The following SRGAP2C variants were observed in gnomAD, a reference collection of about 807,000 sequenced individuals.
SRGAP2C encodes SLIT-ROBO Rho GTPase activating protein 2C.
A neutral mutation model predicts 25.1 loss-of-function variants in SRGAP2C; 15 were observed. The ratio of observed to expected loss-of-function variants is 0.60; its 90% confidence interval spans 0.40 to 0.92. SRGAP2C has a LOEUF of 0.92. Among genes scored for constraint, SRGAP2C ranks in the 40% least tolerant of loss-of-function variants. The probability of loss-of-function intolerance (pLI) is 0.00; values close to 1 mark genes in which losing one functional copy is unlikely to be tolerated. For synonymous variants in SRGAP2C, 44 were observed against 96.6 expected (o/e 0.46, Z 3.19); for missense variants, 144 against 264.4 (o/e 0.54, Z 3.16).
rs1382825827 is a variant in SRGAP2C, at chr1:121,369,630, ACT to A, written c.486+4278_486+4279del. Among the ~76,000 whole-genome samples, 14 of 142,532 alleles carry A rather than the reference ACT, an allele frequency of 9.8e-5. No homozygotes were observed. In the South Asian group the frequency reaches 3.0e-3, roughly 30 times the overall value. 93.5% of individuals were successfully genotyped at this position (142,532 alleles called of 152,430 possible). A position where few individuals can be genotyped will look rare whatever the true frequency, so the allele number is the denominator to read the frequency against. ...TCCCTCAACTCTGCTTGCCTATTTG[ACT>A]CTGGCACTAGGCACTAGGGAGACAA... On this transcript the variant is annotated intron_variant, in intron 5 of 9. Coordinates refer to ENST00000367123, the MANE Select transcript of SRGAP2C (RefSeq NM_001329984.2).
rs587749897 is a variant in SRGAP2C at position 121,258,245 on chromosome 1, G to T, written c.68-26558G>T. 2.8e-4 allele frequency among the ~76,000 whole-genome samples: 42 copies of T among 151,702 alleles called. 1 individual carries two copies. Among genetic ancestry groups the T allele is most frequent in the Non-Finnish European group, 4.6e-4 (31 of 67,840 alleles). On this transcript the variant is annotated intron_variant, in intron 2 of 9. Coordinates refer to ENST00000367123, the MANE Select transcript of SRGAP2C (RefSeq NM_001329984.2). ...AGAAATAAACCTACCTCTCTCCAGG[G>T]CATGAGTTCCACAGTGAAACTGAGG...
chr1:121,321,676 G>A (rs1195736168), intron 3 of SRGAP2C, among the ~76,000 whole-genome samples: 1 of 150,020 alleles, frequency 6.7e-6, no homozygotes, highest in Admixed American at 6.6e-5. Context: ...CAAAGTGCTG[G>A]GATTGCAGGC....
At chr1:121,277,270 C>A (rs1657127232) in intron 2 of SRGAP2C, among the ~76,000 whole-genome samples, 1 of 151,216 alleles carries the variant, frequency 6.6e-6, no homozygotes, top group South Asian at 2.1e-4. Context: ...CATGTCTTCA[C>A]AATTAGATTG....
At chr1:121,335,483 A>G (rs1658494900) in intron 4 of SRGAP2C, among the ~76,000 whole-genome samples, 1 of 108,482 alleles carries the variant, frequency 9.2e-6, no homozygotes, top group Non-Finnish European at 1.8e-5. Flanking sequence ...TTTTTTTGAG[A>G]TGGAGACTCA....
chr1:121,339,252 CTTTTT>C (rs1185472819), intron 4 of SRGAP2C, among the ~76,000 whole-genome samples: 2 of 89,628 alleles, frequency 2.2e-5, no homozygotes, highest in Non-Finnish European at 4.2e-5. Context: ...GCTATGTTGT[CTTTTT>C]TTTTTTTTTT....
chr1:121,385,564 G>GT (rs1659941205), intron 8 of SRGAP2C, among the ~76,000 whole-genome samples: 17 of 146,828 alleles, frequency 1.2e-4, no homozygotes, highest in Admixed American at 5.5e-4. Context: ...TTGAAGAAAG[G>GT]TTTTTTCTTT....
Position 121,284,825 on chromosome 1 carries a change from G to A in SRGAP2C, c.90G>A (p.Glu30=). 1 of 906,030 alleles carries A rather than the reference G, an allele frequency of 1.1e-6. No homozygotes were observed. The highest frequency in any genetic ancestry group is 1.6e-6 in the Non-Finnish European group (1 of 609,396). 56.1% of individuals were successfully genotyped at this position (906,030 alleles called of 1,614,324 possible). The change falls in exon 3 of 10, where the codon GAG becomes GAA. Residue 30 remains glutamate, a synonymous_variant. Transcript: ENST00000367123. The part of the protein sequence containing the change: ...QVKEIRAQLT[E]QMKCLDQQCE... ...TAGAGATCCGTGCTCAGCTCACAGA[G>A]CAGATGAAATGCCTGGACCAGCAGT...
At chr1:121,285,379 ATCTT>A (rs1657336595) in intron 3 of SRGAP2C, among the ~76,000 whole-genome samples, 2 of 119,810 alleles carry the variant, frequency 1.7e-5, no homozygotes, top group Non-Finnish European at 3.5e-5. Context: ...CTCAGGGTCT[ATCTT>A]AATCTCTGTC....
At chr1:121,282,937 C>A (rs1657283049) in intron 2 of SRGAP2C, among the ~76,000 whole-genome samples, 1 of 149,832 alleles carries the variant, frequency 6.7e-6, no homozygotes, top group Non-Finnish European at 1.5e-5. Context: ...AGTCTGCCCA[C>A]CCAATGGCTA....
At chr1:121,286,647 C>T (rs1657374317) in intron 3 of SRGAP2C, among the ~76,000 whole-genome samples, 1 of 152,244 alleles carries the variant, frequency 6.6e-6, no homozygotes, top group Non-Finnish European at 1.5e-5. Flanking sequence ...CTACTCCAGT[C>T]CTACTATAAC....
At chr1:121,310,328 T>C (rs1387593348) in intron 3 of SRGAP2C, among the ~76,000 whole-genome samples, 2 of 108,788 alleles carry the variant, frequency 1.8e-5, no homozygotes, top group African/African-American at 8.0e-5. Flanking sequence ...ATATTAGCCC[T>C]TTGTCAGATG....
At chr1:121,195,186 G>A (rs1255966938) in intron 2 of SRGAP2C, among the ~76,000 whole-genome samples, 1 of 152,092 alleles carries the variant, frequency 6.6e-6, no homozygotes, top group Non-Finnish European at 1.5e-5. Context: ...CAAGGCAGAT[G>A]GATCACCTGA....
chr1:121,297,527 T>C (rs1430674129), intron 3 of SRGAP2C, among the ~76,000 whole-genome samples: 2 of 140,744 alleles, frequency 1.4e-5, no homozygotes, highest in Non-Finnish European at 3.1e-5. Flanking sequence ...TGAAGGATTC[T>C]TCTAAGGATA....
At chr1:121,276,324 A>G (rs1175594202) in intron 2 of SRGAP2C, among the ~76,000 whole-genome samples, 3 of 147,836 alleles carry the variant, frequency 2.0e-5, no homozygotes, top group African/African-American at 7.5e-5. Flanking sequence ...TACATTCATC[A>G]TGACACAAAC....
intron 2 of SRGAP2C, among the ~76,000 whole-genome samples, chr1:121,254,228 CT>C (rs1375400639): frequency 1.4e-5 from 2 of 138,952 alleles, no homozygotes; most frequent in Admixed American, 7.3e-5. Context: ...TTTCTTTAGT[CT>C]AAGTGTGCAC....
chr1:121,236,663 T>G (rs1655967931), intron 2 of SRGAP2C, among the ~76,000 whole-genome samples: 2 of 151,920 alleles, frequency 1.3e-5, no homozygotes, highest in Admixed American at 1.3e-4. Flanking sequence ...CAGGAGTTCC[T>G]CTTTCAGTTC....
intron 2 of SRGAP2C, among the ~76,000 whole-genome samples, chr1:121,269,856 A>T (rs1323252024): frequency 6.7e-6 from 1 of 148,260 alleles, no homozygotes; most frequent in African/African-American, 2.5e-5. Context: ...TTATATCTTC[A>T]CTTTAGATGA....
At chr1:121,287,733 G>A (rs1225320185) in intron 3 of SRGAP2C, among the ~76,000 whole-genome samples, 3 of 152,190 alleles carry the variant, frequency 2.0e-5, no homozygotes, top group Non-Finnish European at 4.4e-5. Flanking sequence ...AAGGTGGTGT[G>A]TCTGGAGTCT....
intron 2 of SRGAP2C, among the ~76,000 whole-genome samples, chr1:121,284,149 A>G (rs1436270417): frequency 2.0e-5 from 3 of 152,010 alleles, no homozygotes; most frequent in African/African-American, 7.2e-5. Flanking sequence ...TTGACAGTGA[A>G]TGGTTTGCCT....
Sources: allele counts gnomAD v4.1 joint callset (sites outside exome capture counted in the v4.1 genomes callset), GRCh38; gene constraint gnomAD v4.1.1; transcripts MANE v1.5; gene names NCBI Gene and HGNC (gene_info 2026-07-23, HGNC 2026-07-21).